HNRNPH1: variants seen among roughly 807,000 people sequenced by gnomAD.
The protein encoded by HNRNPH1 is heterogeneous nuclear ribonucleoprotein H1, also known as heterogeneous nuclear ribonucleoprotein H.
A neutral mutation model predicts 58.6 loss-of-function variants in HNRNPH1; 4 were observed. That is an observed-to-expected ratio of 0.07 (90% CI 0.03 to 0.16). HNRNPH1 has a LOEUF of 0.16. Ranked by LOEUF, HNRNPH1 falls within the 10% of genes least tolerant of loss-of-function variation. The pLI is 1.00. For synonymous variants in HNRNPH1, 192 were observed against 189.2 expected, an observed-to-expected ratio of 1.01 and a Z score of -0.12; for missense variants, 271 against 564.2, an observed-to-expected ratio of 0.48 and a Z score of 5.26.
At chr5:179,616,718 TAAG>T in intron 10 of HNRNPH1, 148 bp downstream of exon 11, 1 of 677,978 alleles carries the variant, frequency 1.5e-6, no homozygotes, top group Non-Finnish European at 2.5e-6. Flanking sequence ...CACAAGGATT[TAAG>T]TAAGCCAGAT....
chr5:179,631,104 G>T (rs1774794552), intron 2 of HNRNPH1, among the ~76,000 whole-genome samples: 2 of 152,084 alleles, frequency 1.3e-5, no homozygotes, highest in Admixed American at 1.3e-4. Flanking sequence ...ATTCTGGTAT[G>T]AATGCATGGG....
chr5:179,627,983 C>T (rs144604847), upstream of HNRNPH1, among the ~76,000 whole-genome samples: 364 of 140,036 alleles, frequency 2.6e-3, no homozygotes, highest in African/African-American at 9.1e-3. Context: ...CCATCACACC[C>T]GGCTAATTTT....
At chr5:179,630,012 ACT>A (rs776996758) in intron 2 of HNRNPH1, among the ~76,000 whole-genome samples, 3 of 151,308 alleles carry the variant, frequency 2.0e-5, no homozygotes, top group Non-Finnish European at 4.4e-5. Context: ...TGACAGAACG[ACT>A]CTGTCTCAAA....
intron 3 of HNRNPH1, chr5:179,620,606 G>T (rs775396486): frequency 6.2e-5 from 20 of 321,706 alleles, no homozygotes; most frequent in Non-Finnish European, 1.0e-4. Context: ...TACTTAGCTG[G>T]ACACCAATGT....
At chr5:179,622,855 C>T (rs1366277115) in intron 1 of HNRNPH1, 182 bp downstream of exon 2, 1 of 152,782 alleles carries the variant, frequency 6.5e-6, no homozygotes, top group African/African-American at 2.4e-5. Flanking sequence ...AACAGCGGGC[C>T]GCCGGGCGCG....
At chr5:179,622,024 G>A in intron 1 of HNRNPH1, 1 of 455,154 alleles carries the variant, frequency 2.2e-6, no homozygotes, top group Admixed American at 2.4e-5. Flanking sequence ...GCCAAAAGCT[G>A]TTAATTTCAT....
chr5:179,615,538 A>G lies in HNRNPH1; in HGVS notation c.*8T>C, dbSNP rs530174458. ...TTGGGAATTTATATTTTTTGAGAAA[A>G]TATTTACCTATGCAATGTTTGATTG... is the stretch of plus-strand genomic sequence containing the variant. On this transcript the variant is annotated splice_region_variant and intron_variant, in intron 12 of 12. Coordinates refer to ENST00000356731, the Ensembl canonical transcript of HNRNPH1. 3 of 1,439,132 alleles carry G rather than the reference A, an allele frequency of 2.1e-6. No individual in the cohort carries two copies. Among genetic ancestry groups the G allele is most frequent in the South Asian group, 1.2e-5 (1 of 84,038 alleles). 89.1% of individuals were successfully genotyped at this position (1,439,132 alleles called of 1,614,324 possible). A position where few individuals can be genotyped will look rare whatever the true frequency, so the allele number is the denominator to read the frequency against.
chr5:179,616,836 G>A (rs768630135), intron 10 of HNRNPH1, 33 bp downstream of exon 11: 10 of 1,541,484 alleles, frequency 6.5e-6, no homozygotes, highest in South Asian at 3.4e-5. Flanking sequence ...AGATATAAAC[G>A]TTTTGGTTTT....
intron 8 of HNRNPH1, 85 bp from the exon 10 acceptor site, chr5:179,617,195 G>T (rs1244878686): frequency 2.2e-6 from 3 of 1,334,090 alleles, no homozygotes; most frequent in Non-Finnish European, 3.2e-6. Flanking sequence ...TAAACAAGCA[G>T]ATCTGTGAAC....
In HNRNPH1 at chr5:179,616,230, A is replaced by G. The variant is rs1769550039; in HGVS notation, c.1208-12T>C. 5 of 1,604,346 alleles carry G rather than the reference A, an allele frequency of 3.1e-6. No homozygotes were observed. In the East Asian group the frequency reaches 1.1e-4, roughly 36 times the overall value. On this transcript the variant is annotated splice_polypyrimidine_tract_variant and intron_variant, in intron 10 of 12. Coordinates refer to ENST00000356731, the Ensembl canonical transcript of HNRNPH1. ...GCTGGACTGGTTTGCTGTTAAGTTA[A>G]GAAAACATTAGAACCTTTTTTCTTA...
At chr5:179,621,116 G>C in intron 2 of HNRNPH1, 81 bp from the exon 4 acceptor site, 1 of 1,540,416 alleles carries the variant, frequency 6.5e-7, no homozygotes, top group Non-Finnish European at 8.9e-7. Flanking sequence ...AGATAAGCTA[G>C]GAAGAGCTGC....
Position 179,616,113 on chromosome 5 carries a change from A to ATAACTTACTCTAAGTACAGTAACG in HNRNPH1, c.1300+12_1300+13insCGTTACTGTACTTAGAGTAAGTTA. Reference sequence around the variant, plus strand: ...CATAACTTACTCTAAGTACAGTAACAAACAGGCTTTACCGTATCCACTCAT... The same window carrying ATAACTTACTCTAAGTACAGTAACG: ...CATAACTTACTCTAAGTACAGTAACATAACTTACTCTAAGTACAGTAACGAACAGGCTTTACCGTATCCACTCAT... On this transcript the variant is annotated intron_variant, in intron 11 of 12. Transcript: ENST00000356731. 6.2e-7 allele frequency: 1 copy of ATAACTTACTCTAAGTACAGTAACG among 1,601,654 alleles called. No homozygotes were observed. The highest frequency in any genetic ancestry group is 2.2e-5 in the East Asian group (1 of 44,820).
At chr5:179,624,499 G>C in exon 1 of HNRNPH1, 1 of 398,772 alleles carries the variant, frequency 2.5e-6, no homozygotes, top group Non-Finnish European at 4.4e-6. Context: ...CGGGCTCCAC[G>C]GGTGCGCGCC....
At chr5:179,632,921 G>A (rs1258061227) in intron 2 of HNRNPH1, among the ~76,000 whole-genome samples, 3 of 136,100 alleles carry the variant, frequency 2.2e-5, no homozygotes, top group Non-Finnish European at 3.1e-5. Flanking sequence ...GCAGTGGCGC[G>A]ATCTCGGCTC....
chr5:179,625,827 G>T (rs2127730650), upstream of HNRNPH1, among the ~76,000 whole-genome samples: 1 of 152,140 alleles, frequency 6.6e-6, no homozygotes, highest in Admixed American at 6.5e-5. Flanking sequence ...GGAGTGCAGT[G>T]GTGCAAACAT....
At chr5:179,617,140 G>GT in intron 8 of HNRNPH1, 30 bp from the exon 10 acceptor site, 2 of 1,601,378 alleles carry the variant, frequency 1.2e-6, no homozygotes, top group East Asian at 4.5e-5. Context: ...GTTTGAAAAT[G>GT]TTTGTTGGTG....
exon 13 of HNRNPH1, chr5:179,614,873 T>C (rs1768741247): frequency 6.5e-7 from 1 of 1,545,992 alleles, no homozygotes; most frequent in Non-Finnish European, 8.7e-7. Flanking sequence ...ATACTGGACA[T>C]GCTAGACAAC....
chr5:179,632,468 G>C lies in HNRNPH1; in HGVS notation c.-32+1597C>G, dbSNP rs367789940. Among the ~76,000 whole-genome samples, 6 of 152,378 alleles carry C rather than the reference G, an allele frequency of 3.9e-5. No homozygotes were observed. The East Asian group carries it at 9.6e-4, about 24-fold the overall frequency. On this transcript the variant is annotated intron_variant, in intron 2 of 4. Transcript: ENST00000521116. ...GGAGCCCCACTGTTGTGTTGAAGGA[G>C]ACCGTCCTTCCGACGCCGAGTCCGG...
intron 12 of HNRNPH1, chr5:179,615,244 T>G: frequency 2.3e-6 from 1 of 429,022 alleles, no homozygotes; most frequent in Admixed American, 3.9e-5. Context: ...TTTTCAAAAA[T>G]TGCAAAATTA....
Sources: allele counts gnomAD v4.1 joint callset (sites outside exome capture counted in the v4.1 genomes callset), GRCh38; gene constraint gnomAD v4.1.1; transcripts MANE v1.5; gene names NCBI Gene and HGNC (gene_info 2026-07-23, HGNC 2026-07-21).